ZPBP: variants seen among roughly 807,000 people sequenced by gnomAD.
The protein encoded by ZPBP is zona pellucida binding protein.
Under a neutral mutation model 44.8 loss-of-function variants are expected in ZPBP, and 26 were observed. The observed-to-expected ratio is 0.58, with a 90% CI of 0.43 to 0.81. The LOEUF (loss-of-function observed/expected upper bound fraction) is 0.81, where lower values mean the gene tolerates loss of function less well. ZPBP is among the 30% of genes least tolerant of loss of function. ZPBP has a pLI of 0.00. For synonymous variants in ZPBP, 174 were observed against 153.2 expected (o/e 1.14, Z -1.00); for missense variants, 409 against 434.0 (o/e 0.94, Z 0.51).
At chr7:50,070,267 GCCA>G (rs1312662693) in intron 3 of ZPBP, among the ~76,000 whole-genome samples, 1 of 152,182 alleles carries the variant, frequency 6.6e-6, no homozygotes. Context: ...GCCGCCCCCA[GCCA>G]CTCTGGGTTG....
chr7:49,996,929 A>T (rs1007981050), intron 6 of ZPBP, among the ~76,000 whole-genome samples: 1 of 152,192 alleles, frequency 6.6e-6, no homozygotes, highest in African/African-American at 2.4e-5. Flanking sequence ...AGTCTCTGCT[A>T]AATTACTATT....
chr7:50,001,896 T>C (rs745581364), intron 6 of ZPBP, among the ~76,000 whole-genome samples: 5 of 152,124 alleles, frequency 3.3e-5, no homozygotes, highest in Non-Finnish European at 7.3e-5. Context: ...CAAGTATTAA[T>C]ATTTATTTTG....
intron 7 of ZPBP, among the ~76,000 whole-genome samples, chr7:49,971,952 A>G (rs1796318916): frequency 6.6e-6 from 1 of 152,102 alleles, no homozygotes. Flanking sequence ...AAAAAAATCA[A>G]TGTAATACAC....
At chr7:50,018,186 T>G in intron 6 of ZPBP, 54 bp downstream of exon 6, 2 of 1,296,612 alleles carry the variant, frequency 1.5e-6, no homozygotes, top group Non-Finnish European at 1.1e-6. Context: ...TACTTACACA[T>G]GGGGCATGTT....
chr7:49,917,096 T>C (rs979160171), intron 1 of ZPBP: 2 of 152,250 alleles, frequency 1.3e-5, no homozygotes, highest in African/African-American at 4.8e-5. Flanking sequence ...CATTTCTGTG[T>C]GTTTTAATCT....
chr7:50,004,224 G>T (rs757858658), intron 6 of ZPBP, among the ~76,000 whole-genome samples: 9 of 152,060 alleles, frequency 5.9e-5, no homozygotes, highest in Non-Finnish European at 1.0e-4. Context: ...TGCTTGCTGA[G>T]TCCTCTAGCT....
chr7:49,980,387 A>T (rs1435483985), intron 7 of ZPBP, among the ~76,000 whole-genome samples: 1 of 146,962 alleles, frequency 6.8e-6, no homozygotes, highest in Non-Finnish European at 1.5e-5. Flanking sequence ...GAGTTTAAAA[A>T]ATTTATACTA....
intron 7 of ZPBP, among the ~76,000 whole-genome samples, chr7:49,953,311 C>G (rs920685508): frequency 2.0e-5 from 3 of 151,896 alleles, no homozygotes; most frequent in Admixed American, 6.6e-5. Context: ...CAGCAATCAG[C>G]AGGTATGTGT....
At chr7:49,894,065 T>C (rs1197675522) in intron 2 of ZPBP, among the ~76,000 whole-genome samples, 1 of 152,180 alleles carries the variant, frequency 6.6e-6, no homozygotes, top group East Asian at 1.9e-4. Flanking sequence ...GGAGGAGATA[T>C]GACATAGACA....
At position 50,046,451 on chromosome 7, in the gene ZPBP, GA is replaced by G. The variant is rs140818813; in HGVS notation, c.487+11537del. 3.9e-3 allele frequency among the ~76,000 whole-genome samples: 575 copies of G among 146,034 alleles called. 2 individuals are homozygous for G. Among genetic ancestry groups the G allele is most frequent in the African/African-American group, 0.013 (537 of 39,954 alleles). On this transcript the variant is annotated intron_variant, in intron 4 of 7. Coordinates refer to ENST00000046087, the MANE Select transcript of ZPBP (RefSeq NM_007009.3). ...ACAAGGAACTTAAACAAATTTACAA[GA>G]AAAAAAAAATGGCCATCAAAAAGTG...
chr7:49,980,771 C>G (rs763771939), intron 7 of ZPBP, among the ~76,000 whole-genome samples: 3 of 152,070 alleles, frequency 2.0e-5, no homozygotes, highest in Admixed American at 6.6e-5. Flanking sequence ...CCTTACATCC[C>G]AACATTGCCA....
At chr7:50,034,917 T>C (rs1231480846) in intron 4 of ZPBP, among the ~76,000 whole-genome samples, 2 of 152,230 alleles carry the variant, frequency 1.3e-5, no homozygotes, top group African/African-American at 4.8e-5. Flanking sequence ...AAAATATTTC[T>C]TCCCCAAATA....
chr7:49,922,221 T>G (rs1002071461), intron 1 of ZPBP, among the ~76,000 whole-genome samples: 1 of 152,162 alleles, frequency 6.6e-6, no homozygotes, highest in Non-Finnish European at 1.5e-5. Flanking sequence ...TGATAATACA[T>G]TTCTGCTTTG....
chr7:49,981,320 AATATATAT>A (rs1177773254), intron 7 of ZPBP, among the ~76,000 whole-genome samples: 2 of 44,514 alleles, frequency 4.5e-5, no homozygotes, highest in Non-Finnish European at 1.1e-4. Context: ...TATATTATAT[AATATATAT>A]TATAATTATA....
intron 1 of ZPBP, among the ~76,000 whole-genome samples, chr7:49,904,275 A>G (rs1251125171): frequency 6.6e-6 from 1 of 152,138 alleles, no homozygotes; most frequent in Non-Finnish European, 1.5e-5. Context: ...TACCCTCACT[A>G]TCTGCCTAAG....
intron 7 of ZPBP, among the ~76,000 whole-genome samples, chr7:49,980,999 G>A (rs1471891093): frequency 6.7e-6 from 1 of 150,192 alleles, no homozygotes; most frequent in Non-Finnish European, 1.5e-5. Context: ...ATAACTTTTT[G>A]TGTTTTGTTA....
At chr7:50,078,875 A>G (rs1045780363) in intron 3 of ZPBP, among the ~76,000 whole-genome samples, 10 of 151,064 alleles carry the variant, frequency 6.6e-5, no homozygotes, top group Non-Finnish European at 1.2e-4. Flanking sequence ...AAATCAAGCA[A>G]CTCCACTAAA....
intron 6 of ZPBP, among the ~76,000 whole-genome samples, chr7:50,006,648 T>C (rs1798325893): frequency 6.6e-6 from 1 of 151,796 alleles, no homozygotes; most frequent in Non-Finnish European, 1.5e-5. Flanking sequence ...CCTAGAGAAT[T>C]AGAAAAAGAA....
chr7:49,988,997 T>C (rs1363556289), intron 6 of ZPBP, among the ~76,000 whole-genome samples: 2 of 152,206 alleles, frequency 1.3e-5, no homozygotes, highest in African/African-American at 4.8e-5. Context: ...ATTTGGAGCA[T>C]ATTTGTCTCT....
Sources: allele counts gnomAD v4.1 joint callset (sites outside exome capture counted in the v4.1 genomes callset), GRCh38; gene constraint gnomAD v4.1.1; transcripts MANE v1.5; gene names NCBI Gene and HGNC (gene_info 2026-07-23, HGNC 2026-07-21).